CD44: variants seen among roughly 807,000 people sequenced by gnomAD.
The protein encoded by CD44 is CD44 antigen.
CD44 carries 49 observed loss-of-function variants against 88.8 expected under a neutral mutation model. The ratio of observed to expected loss-of-function variants is 0.55; its 90% confidence interval spans 0.44 to 0.70. The LOEUF (loss-of-function observed/expected upper bound fraction) is 0.70, where lower values mean the gene tolerates loss of function less well. CD44 is among the 30% of genes least tolerant of loss of function. The pLI is 0.00. For synonymous variants in CD44, 325 were observed against 312.3 expected, an observed-to-expected ratio of 1.04 and a Z score of -0.43; for missense variants, 883 against 913.8, an observed-to-expected ratio of 0.97 and a Z score of 0.43.
intron 1 of CD44, among the ~76,000 whole-genome samples, chr11:35,143,872 G>A (rs536901715): frequency 1.8e-4 from 28 of 152,300 alleles, no homozygotes; most frequent in African/African-American, 3.8e-4. Context: ...AGAGAGAGGT[G>A]GTTGCTTGTC....
chr11:35,139,214 C>A lies in CD44; in HGVS notation c.-90C>A. Reference sequence around the variant, plus strand: ...CCAGCCTCTGCCAGGTTCGGTCCGCCATCCTCGTCCCGTCCTCCGCCGGCC... The same window carrying A: ...CCAGCCTCTGCCAGGTTCGGTCCGCAATCCTCGTCCCGTCCTCCGCCGGCC... On this transcript the variant is annotated 5_prime_UTR_variant, in exon 1 of 18. Transcript: ENST00000428726. 9.8e-7 allele frequency: 1 copy of A among 1,023,822 alleles called. No individual in the cohort carries two copies. The highest frequency in any genetic ancestry group is 1.5e-6 in the Non-Finnish European group (1 of 670,618). 63.4% of individuals were successfully genotyped at this position (1,023,822 alleles called of 1,614,324 possible).
intron 14 of CD44, among the ~76,000 whole-genome samples, chr11:35,211,916 A>G (rs1233835833): frequency 1.3e-5 from 2 of 152,128 alleles, no homozygotes; most frequent in Non-Finnish European, 2.9e-5. Flanking sequence ...TTGCTCTGAA[A>G]TTATTATCTT....
chr11:35,177,752 T>C (rs1164555852), intron 2 of CD44, among the ~76,000 whole-genome samples: 1 of 152,222 alleles, frequency 6.6e-6, no homozygotes, highest in Non-Finnish European at 1.5e-5. Flanking sequence ...AAGGAAAGTC[T>C]TTTGCCTAAA....
At chr11:35,160,109 A>G (rs544575458) in intron 1 of CD44, among the ~76,000 whole-genome samples, 1 of 152,306 alleles carries the variant, frequency 6.6e-6, no homozygotes, top group South Asian at 2.1e-4. Context: ...CCAGCTTCCC[A>G]TTCATTTTTC....
rs1949979424 is a variant in CD44, at chr11:35,229,978, A to G, written c.*645A>G. On this transcript the variant is annotated 3_prime_UTR_variant, in exon 18 of 18. Coordinates refer to ENST00000428726, the MANE Select transcript of CD44 (RefSeq NM_000610.4). ...TTAAAGTTACTTTGTCAGAGGCACA[A>G]AAGGGTTTAAACTGATTCATAATAA... The G allele has an allele frequency of 6.6e-6, 1 of 152,484 alleles. No individual in the cohort carries two copies. Among genetic ancestry groups the G allele is most frequent in the Non-Finnish European group, 1.5e-5 (1 of 68,242 alleles). The allele number at this position is 152,484 out of a possible 1,614,324, so 9.4% of individuals were successfully genotyped here.
intron 1 of CD44, among the ~76,000 whole-genome samples, chr11:35,176,334 G>A (rs1319831720): frequency 2.0e-5 from 3 of 152,070 alleles, no homozygotes; most frequent in Non-Finnish European, 4.4e-5. Context: ...GAGCCACCGC[G>A]CCCGGCCTAA....
rs369878042 is a variant in CD44, at chr11:35,200,725, T to C, written c.923-357T>C. 9.8e-5 allele frequency: 24 copies of C among 244,760 alleles called. No homozygotes were observed. The East Asian group carries it at 1.8e-3, about 19-fold the overall frequency. The allele number at this position is 244,760 out of a possible 1,614,324, so 15.2% of individuals were successfully genotyped here. Reference sequence around the variant, plus strand: ...TGGGCTTTCAAGTGCAGAGGGATACTACAGACTGCATGGATGGGCAAAATG... The same window carrying C: ...TGGGCTTTCAAGTGCAGAGGGATACCACAGACTGCATGGATGGGCAAAATG... On this transcript the variant is annotated intron_variant, in intron 7 of 17. Coordinates refer to ENST00000428726, the MANE Select transcript of CD44 (RefSeq NM_000610.4).
intron 1 of CD44, among the ~76,000 whole-genome samples, chr11:35,155,455 T>A (rs1941736679): frequency 6.6e-6 from 1 of 152,106 alleles, no homozygotes. Flanking sequence ...CCCTCAACCT[T>A]TTTCTGAAAA....
chr11:35,165,922 T>TA (rs965372913), intron 1 of CD44, among the ~76,000 whole-genome samples: 6 of 152,186 alleles, frequency 3.9e-5, no homozygotes, highest in Non-Finnish European at 8.8e-5. Context: ...CCTCAACTGT[T>TA]ACGAAAGTCT....
chr11:35,215,463 T>C (rs936896578), intron 15 of CD44, among the ~76,000 whole-genome samples: 9 of 152,260 alleles, frequency 5.9e-5, no homozygotes, highest in African/African-American at 9.6e-5. Flanking sequence ...GCATTTAGCA[T>C]AATCCTGGCA....
At chr11:35,145,505 G>T (rs2133052722) in intron 1 of CD44, among the ~76,000 whole-genome samples, 1 of 152,190 alleles carries the variant, frequency 6.6e-6, no homozygotes, top group African/African-American at 2.4e-5. Flanking sequence ...GGCTTTGGTG[G>T]CTGCCTGCTG....
At chr11:35,161,512 G>A (rs546231826) in intron 1 of CD44, among the ~76,000 whole-genome samples, 2 of 152,342 alleles carry the variant, frequency 1.3e-5, no homozygotes, top group Non-Finnish European at 2.9e-5. Flanking sequence ...GGAGAGCCTT[G>A]CAAGCGTTCA....
chr11:35,194,676 T>C (rs1218635679), intron 5 of CD44, among the ~76,000 whole-genome samples: 1 of 152,224 alleles, frequency 6.6e-6, no homozygotes, highest in African/African-American at 2.4e-5. Context: ...CCACTTCATA[T>C]ATCAGAAAGG....
rs528673496 is a variant in CD44 at position 35,181,971 on chromosome 11, ATAT to A, written c.367+1568_367+1570del. Among the ~76,000 whole-genome samples, 487 of 104,238 alleles carry A rather than the reference ATAT, an allele frequency of 4.7e-3. 2 individuals are homozygous for A. Among genetic ancestry groups the A allele is most frequent in the East Asian group, 0.035 (162 of 4,564 alleles). 68.4% of individuals were successfully genotyped at this position (104,238 alleles called of 152,430 possible). On this transcript the variant is annotated intron_variant, in intron 3 of 17. Coordinates refer to ENST00000428726, the MANE Select transcript of CD44 (RefSeq NM_000610.4). ...ATATATATAAATTTTATATATATAA[ATAT>A]TATATATTATATATAAATTTATATT...
intron 7 of CD44, among the ~76,000 whole-genome samples, chr11:35,198,732 A>T (rs1014698606): frequency 6.6e-6 from 1 of 151,990 alleles, no homozygotes; most frequent in African/African-American, 2.4e-5. Context: ...TAATCCCAGC[A>T]CCCTGGGAGG....
intron 17 of CD44, among the ~76,000 whole-genome samples, chr11:35,224,316 T>C (rs1233514844): frequency 6.6e-6 from 1 of 152,214 alleles, no homozygotes; most frequent in Non-Finnish European, 1.5e-5. Context: ...GTCACCTGAC[T>C]CCTTGAGTTA....
At chr11:35,172,240 A>G (rs1943989291) in intron 1 of CD44, among the ~76,000 whole-genome samples, 1 of 152,144 alleles carries the variant, frequency 6.6e-6, no homozygotes, top group Non-Finnish European at 1.5e-5. Context: ...CTTTGTCTTC[A>G]GGATCACACA....
chr11:35,207,543 G>C (rs1173065097), intron 11 of CD44, among the ~76,000 whole-genome samples: 3 of 152,200 alleles, frequency 2.0e-5, no homozygotes, highest in African/African-American at 7.2e-5. Flanking sequence ...TTTTTGGGAA[G>C]AATAATTCAA....
Position 35,172,193 on chromosome 11 carries a change from C to T in CD44, c.68-4382C>T, listed in dbSNP as rs1194874060. Among the ~76,000 whole-genome samples, 4 of 152,188 alleles carry T rather than the reference C, an allele frequency of 2.6e-5. No individual in the cohort carries two copies. In the East Asian group the frequency reaches 7.7e-4, roughly 29 times the overall value. On this transcript the variant is annotated intron_variant, in intron 1 of 17. Transcript: ENST00000428726. ...CTTGTCCACTTTTGCTTTGACTGGACCACTTCCACCTCTTGGTAGCTATTC... is the reference window on the plus strand; with the variant it reads ...CTTGTCCACTTTTGCTTTGACTGGATCACTTCCACCTCTTGGTAGCTATTC...
Sources: gnomAD v4.1 joint callset for allele counts (sites outside exome capture counted in the v4.1 genomes callset) on GRCh38, gnomAD v4.1.1 for gene constraint, MANE v1.5 for transcripts, NCBI Gene and HGNC (gene_info 2026-07-23, HGNC 2026-07-21) for gene names.